The following NAV2 variants were observed in gnomAD, a reference collection of about 807,000 sequenced individuals.
The protein encoded by NAV2 is neuron navigator 2.
A neutral mutation model predicts 223.2 loss-of-function variants in NAV2; 54 were observed. That is an observed-to-expected ratio of 0.24 (90% confidence interval 0.19 to 0.30). The LOEUF is 0.30. Ranked by LOEUF, NAV2 falls within the 10% of genes least tolerant of loss-of-function variation. NAV2 has a pLI of 1.00. For synonymous variants in NAV2, 1,279 were observed against 1,239.3 expected (o/e 1.03, Z -0.67); for missense variants, 2,806 against 3,147.5 (o/e 0.89, Z 2.60).
chr11:19,860,190 C>G (rs1239087163), intron 3 of NAV2, among the ~76,000 whole-genome samples: 4 of 147,102 alleles, frequency 2.7e-5, no homozygotes, highest in African/African-American at 5.0e-5. Flanking sequence ...ACCTCCCTCC[C>G]AGACGGGGTG....
At chr11:19,845,556 G>T (rs1263483027) in intron 3 of NAV2, among the ~76,000 whole-genome samples, 2 of 152,208 alleles carry the variant, frequency 1.3e-5, no homozygotes, top group African/African-American at 4.8e-5. Flanking sequence ...TTATTTCAGA[G>T]CAGGAATGGA....
chr11:19,441,548 C>T (rs1043604691), intron 1 of NAV2, among the ~76,000 whole-genome samples: 1 of 152,106 alleles, frequency 6.6e-6, no homozygotes, highest in Admixed American at 6.5e-5. Context: ...TCAGAGAAGA[C>T]TGAAGTCATT....
intron 1 of NAV2, among the ~76,000 whole-genome samples, chr11:19,802,550 C>A (rs1334186833): frequency 6.6e-6 from 1 of 151,928 alleles, no homozygotes; most frequent in Non-Finnish European, 1.5e-5. Flanking sequence ...GTTATTATTT[C>A]TAGATACTTA....
chr11:20,056,025 G>T, intron 19 of NAV2, 68 bp downstream of exon 19: 1 of 1,440,288 alleles, frequency 6.9e-7, no homozygotes, highest in African/African-American at 1.4e-5. Flanking sequence ...TGTAGTTAAG[G>T]GTCCTCTATG....
At chr11:19,983,173 T>C (rs1023886249) in intron 10 of NAV2, among the ~76,000 whole-genome samples, 8 of 152,106 alleles carry the variant, frequency 5.3e-5, no homozygotes, top group African/African-American at 1.7e-4. Flanking sequence ...ACCAGTCTCC[T>C]TTATGGGGGC....
intron 1 of NAV2, among the ~76,000 whole-genome samples, chr11:19,699,996 C>T (rs769903801): frequency 1.3e-5 from 2 of 152,210 alleles, no homozygotes; most frequent in African/African-American, 2.4e-5. Flanking sequence ...GCCTCAGATT[C>T]TGGGCCTTCA....
intron 1 of NAV2, among the ~76,000 whole-genome samples, chr11:19,362,809 A>T (rs1854033953): frequency 6.6e-6 from 1 of 152,210 alleles, no homozygotes; most frequent in Non-Finnish European, 1.5e-5. Flanking sequence ...AGAATTAAAC[A>T]TGTTAATAAC....
chr11:20,050,383 G>A (rs1196467441), intron 16 of NAV2, among the ~76,000 whole-genome samples: 1 of 152,046 alleles, frequency 6.6e-6, no homozygotes, highest in Non-Finnish European at 1.5e-5. Flanking sequence ...CTTGCAGACT[G>A]TTGTGTTCTG....
At chr11:19,498,902 A>G (rs553128631) in intron 1 of NAV2, among the ~76,000 whole-genome samples, 90 of 152,328 alleles carry the variant, frequency 5.9e-4, no homozygotes, top group Middle Eastern at 3.4e-3. Flanking sequence ...CAGCTCTGTT[A>G]TAAGCTTTTC....
intron 1 of NAV2, chr11:19,503,629 G>T (rs2043028055): frequency 6.6e-6 from 1 of 152,142 alleles, no homozygotes; most frequent in African/African-American, 2.4e-5. Flanking sequence ...TGGCTTGATA[G>T]CTCATTTCCT....
intron 1 of NAV2, among the ~76,000 whole-genome samples, chr11:19,662,439 G>T (rs904173647): frequency 2.0e-5 from 3 of 152,224 alleles, no homozygotes; most frequent in Non-Finnish European, 2.9e-5. Flanking sequence ...TGGTTGGCAA[G>T]GTTCATAGCA....
At chr11:20,114,931 C>G (rs1407756099) in intron 37 of NAV2, 136 bp downstream of exon 37, 3 of 823,850 alleles carry the variant, frequency 3.6e-6, no homozygotes, top group Non-Finnish European at 3.7e-6. Flanking sequence ...AATGACTGGG[C>G]CATTTTTGCC....
chr11:19,577,659 C>T (rs1483666109), intron 1 of NAV2, among the ~76,000 whole-genome samples: 3 of 151,936 alleles, frequency 2.0e-5, no homozygotes, highest in African/African-American at 7.2e-5. Flanking sequence ...TGGTAAATAG[C>T]TTCCTGGCAT....
chr11:19,783,216 T>C (rs190226276), intron 1 of NAV2, among the ~76,000 whole-genome samples: 4 of 152,324 alleles, frequency 2.6e-5, no homozygotes, highest in Admixed American at 6.5e-5. Context: ...CGATGTGAAG[T>C]TTCAGGATTC....
At chr11:19,889,151 T>C (rs2041275722) in intron 5 of NAV2, among the ~76,000 whole-genome samples, 1 of 152,166 alleles carries the variant, frequency 6.6e-6, no homozygotes, top group Non-Finnish European at 1.5e-5. Flanking sequence ...TTAGTTCAGT[T>C]TGTGGATGGA....
chr11:19,479,926 T>A (rs2042229366), intron 1 of NAV2, among the ~76,000 whole-genome samples: 1 of 152,186 alleles, frequency 6.6e-6, no homozygotes, highest in African/African-American at 2.4e-5. Context: ...GTAGGGCAGA[T>A]TGGCAAACTG....
rs888464971 is a variant in NAV2 at position 19,948,678 on chromosome 11, G to A, written c.2256-13G>A. 26 of 1,556,086 alleles carry A rather than the reference G, an allele frequency of 1.7e-5. No homozygotes were observed. The highest frequency in any genetic ancestry group is 1.8e-5 in the Non-Finnish European group (21 of 1,147,472). On this transcript the variant is annotated splice_polypyrimidine_tract_variant and intron_variant, in intron 9 of 37. Coordinates refer to ENST00000349880, the MANE Select transcript of NAV2 (RefSeq NM_145117.5). ...GGTACCTTTGAGTCTAATCAGGTTG[G>A]TTTTGTTTCTAGCACATTGGAAACC...
chr11:19,625,926 A>G (rs1036406154), intron 1 of NAV2, among the ~76,000 whole-genome samples: 1 of 151,742 alleles, frequency 6.6e-6, no homozygotes, highest in South Asian at 2.1e-4. Flanking sequence ...TATATTCTGG[A>G]TATTGACCCC....
At chr11:19,551,471 G>A (rs906559979) in intron 1 of NAV2, among the ~76,000 whole-genome samples, 4 of 152,194 alleles carry the variant, frequency 2.6e-5, no homozygotes, top group Non-Finnish European at 5.9e-5. Flanking sequence ...TCCCCAGCCT[G>A]AGCCTGCCAG....
Sources: gnomAD v4.1 joint callset for allele counts (sites outside exome capture counted in the v4.1 genomes callset) on GRCh38, gnomAD v4.1.1 for gene constraint, MANE v1.5 for transcripts, NCBI Gene and HGNC (gene_info 2026-07-23, HGNC 2026-07-21) for gene names.